The following CEP89 variants were observed in gnomAD, a reference collection of about 807,000 sequenced individuals.
CEP89 encodes centrosomal protein 89.
A neutral mutation model predicts 97.6 loss-of-function variants in CEP89; 95 were observed. The observed-to-expected ratio is 0.97, with a 90% CI of 0.82 to 1.15. The LOEUF is 1.15. Ranked by LOEUF, CEP89 falls within the 50% of genes most tolerant of loss-of-function variation. CEP89 has a pLI of 0.00. For synonymous variants in CEP89, 354 were observed against 349.1 expected (o/e 1.01, Z -0.16); for missense variants, 869 against 947.7 (o/e 0.92, Z 1.09).
At chr19:32,926,388 GT>G (rs781518508) in intron 10 of CEP89, 115 bp from the exon 11 acceptor site, 1 of 774,116 alleles carries the variant, frequency 1.3e-6, no homozygotes, top group Non-Finnish European at 2.2e-6. Flanking sequence ...GGTTGCAGTT[GT>G]TATTGTTTTT....
intron 3 of CEP89, among the ~76,000 whole-genome samples, chr19:32,958,012 AT>A (rs1971084355): frequency 9.4e-6 from 1 of 106,320 alleles, no homozygotes. Context: ...AAACAAAAAA[AT>A]CCCCCCCCCG....
At chr19:32,951,419 G>A (rs1970908527) in intron 4 of CEP89, among the ~76,000 whole-genome samples, 1 of 151,848 alleles carries the variant, frequency 6.6e-6, no homozygotes, top group Non-Finnish European at 1.5e-5. Context: ...CCAGGAGGCG[G>A]AGGTTGCAGT....
chr19:32,878,394 A>G lies in CEP89; in HGVS notation c.*768T>C, dbSNP rs1483071391. ...GCACCTTGTTTTTTTTGACCAAACA[A>G]GAAAAGGCCCCCAGAGCTCACGCAC... On this transcript the variant is annotated 3_prime_UTR_variant, in exon 19 of 19. Coordinates refer to ENST00000305768, the MANE Select transcript of CEP89 (RefSeq NM_032816.5). 1.3e-5 allele frequency: 2 copies of G among 152,394 alleles called. No homozygotes were observed. The highest frequency in any genetic ancestry group is 2.9e-5 in the Non-Finnish European group (2 of 68,194). The allele number at this position is 152,394 out of a possible 1,614,324, so 9.4% of individuals were successfully genotyped here.
chr19:32,901,844 C>T lies in CEP89; in HGVS notation c.1566-432G>A, dbSNP rs948420858. ...CTCACTATGTTGCCCAGGCTGGTTT[C>T]GAGCTCTTGGGCTCAAGTGATCCTC... On this transcript the variant is annotated intron_variant, in intron 14 of 18. Transcript: ENST00000305768. Among the ~76,000 whole-genome samples, 3 of 152,184 alleles carry T rather than the reference C, an allele frequency of 2.0e-5. No individual in the cohort carries two copies. In the East Asian group the frequency reaches 5.8e-4, roughly 29 times the overall value.
intron 14 of CEP89, among the ~76,000 whole-genome samples, chr19:32,913,311 TTG>T (rs1391491246): frequency 0.087 from 2,311 of 26,660 alleles, 60 homozygotes; most frequent in African/African-American, 0.32. Flanking sequence ...ATATATTTTT[TTG>T]TTGTTGTTGT....
chr19:32,932,636 T>A (rs1337022187), intron 8 of CEP89, among the ~76,000 whole-genome samples: 4 of 152,128 alleles, frequency 2.6e-5, no homozygotes, highest in African/African-American at 9.7e-5. Flanking sequence ...AAGTCAAGTG[T>A]CTCATTGTAA....
chr19:32,942,559 A>T (rs1455141762), intron 5 of CEP89, among the ~76,000 whole-genome samples: 1 of 152,220 alleles, frequency 6.6e-6, no homozygotes, highest in Non-Finnish European at 1.5e-5. Flanking sequence ...TTAGTCATGA[A>T]CTTTTCAGAA....
At chr19:32,935,156 G>C (rs960384637) in intron 7 of CEP89, among the ~76,000 whole-genome samples, 11 of 152,130 alleles carry the variant, frequency 7.2e-5, no homozygotes, top group African/African-American at 2.7e-4. Context: ...AGAAAGCCAG[G>C]AGGAAGAGGG....
chr19:32,896,811 GCAAACAAACAAA>G (rs957798798), intron 16 of CEP89, among the ~76,000 whole-genome samples: 1 of 149,786 alleles, frequency 6.7e-6, no homozygotes, highest in African/African-American at 2.4e-5. Context: ...ACTCTTAATA[GCAAACAAACAAA>G]CAAACAAAAC....
intron 17 of CEP89, among the ~76,000 whole-genome samples, chr19:32,886,274 T>G (rs1228663913): frequency 6.6e-6 from 1 of 152,236 alleles, no homozygotes; most frequent in Non-Finnish European, 1.5e-5. Flanking sequence ...TGCTTTTATA[T>G]GAAGGCCTCT....
intron 16 of CEP89, among the ~76,000 whole-genome samples, chr19:32,892,248 G>C (rs1343194135): frequency 2.0e-5 from 2 of 99,956 alleles, no homozygotes; most frequent in African/African-American, 6.7e-5. Flanking sequence ...TATATGTCTA[G>C]TTACATATAA....
chr19:32,931,452 A>G lies in CEP89; in HGVS notation c.1006T>C (p.Phe336Leu), dbSNP rs1970471263. 13 of 1,583,320 alleles carry G rather than the reference A, an allele frequency of 8.2e-6. No homozygotes were observed. Among genetic ancestry groups the G allele is most frequent in the Non-Finnish European group, 1.0e-5 (12 of 1,171,942 alleles). ...NVELSRYQTK[F>L]RHLSKEESLN... ...ACCTCTTCCTTGGACAAATGCCTGA[A>G]TTTTGTCTGATATCGACTGAGTTCT... The change falls in exon 9 of 19, where the codon TTC becomes CTC. Residue 336 changes from phenylalanine to leucine, a missense_variant. Transcript: ENST00000305768.
intron 5 of CEP89, among the ~76,000 whole-genome samples, chr19:32,940,757 T>TC (rs1314512576): frequency 6.6e-6 from 1 of 151,154 alleles, no homozygotes; most frequent in African/African-American, 2.4e-5. Context: ...AAGTTGGACA[T>TC]CGAGTTGCTT....
In CEP89 at chr19:32,926,958, G is replaced by A. The variant is rs973490979; in HGVS notation, c.1056C>T (p.Ser352=). The change falls in exon 10 of 19, where the codon TCC becomes TCT. Residue 352 remains serine, a synonymous_variant. Coordinates refer to ENST00000305768, the MANE Select transcript of CEP89 (RefSeq NM_032816.5). ...EESLNIEGLP[S]KGPIPPWLLD... Reference sequence around the variant, plus strand: ...CCAACCAGGGTGGTATAGGGCCCTTGGATGGGAGGCCTTCAATATTTAAGC... The same window carrying A: ...CCAACCAGGGTGGTATAGGGCCCTTAGATGGGAGGCCTTCAATATTTAAGC... 2.5e-6 allele frequency: 4 copies of A among 1,613,650 alleles called. No individual in the cohort carries two copies. Among genetic ancestry groups the A allele is most frequent in the East Asian group, 4.5e-5 (2 of 44,894 alleles).
intron 17 of CEP89, 24 bp downstream of exon 17, chr19:32,887,728 C>A: frequency 6.7e-7 from 1 of 1,481,750 alleles, no homozygotes; most frequent in South Asian, 1.1e-5. Flanking sequence ...AAAATGAAAT[C>A]TCTGAGGCCA....
intron 16 of CEP89, among the ~76,000 whole-genome samples, chr19:32,893,625 T>C (rs1300087815): frequency 6.6e-6 from 1 of 152,218 alleles, no homozygotes; most frequent in Non-Finnish European, 1.5e-5. Context: ...TGTGTTACGC[T>C]ACAAAGCAAG....
At chr19:32,927,131 CCCATCCATCCAT>C (rs75760372) in intron 9 of CEP89, 147 bp from the exon 10 acceptor site, 2 of 598,300 alleles carry the variant, frequency 3.3e-6, no homozygotes, top group South Asian at 2.0e-5. Flanking sequence ...TACCCACCTA[CCCATCCATCCAT>C]CCATCCATCC....
chr19:32,926,082 T>C, intron 11 of CEP89, 108 bp downstream of exon 11: 1 of 787,238 alleles, frequency 1.3e-6, no homozygotes, highest in Non-Finnish European at 2.1e-6. Context: ...AAACATTTGG[T>C]TATCTATAAT....
Position 32,966,451 on chromosome 19 carries a change from C to A in CEP89, c.55G>T (p.Gly19Cys). The change falls in exon 2 of 19, where the codon GGC becomes TGC. Residue 19 changes from glycine (G) to cysteine (C), a missense_variant. By Grantham distance (159) the Gly-to-Cys change is radical. Transcript: ENST00000305768. ...RRSHFKHIIH[G>C]LLPAASVAPK... ...GCAACGCTGGCTGCAGGTAAAAGGC[C>A]ATGGATGATGTGTTTCTGCACAAAT... is the stretch of plus-strand genomic sequence containing the variant. 5 of 1,548,318 alleles carry A rather than the reference C, an allele frequency of 3.2e-6. No homozygotes were observed. The highest frequency in any genetic ancestry group is 4.4e-6 in the Non-Finnish European group (5 of 1,143,810).
Sources: allele counts gnomAD v4.1 joint callset (sites outside exome capture counted in the v4.1 genomes callset), GRCh38; gene constraint gnomAD v4.1.1; transcripts MANE v1.5; gene names NCBI Gene and HGNC (gene_info 2026-07-23, HGNC 2026-07-21).